Variants in CYYR1 observed in about 807,000 individuals in gnomAD.
The protein encoded by CYYR1 is cysteine and tyrosine rich 1, also known as cysteine and tyrosine-rich protein 1.
Under a neutral mutation model 15.2 loss-of-function variants are expected in CYYR1, and 14 were observed. That is an observed-to-expected ratio of 0.92 (90% CI 0.61 to 1.44). The LOEUF is 1.44. Ranked by LOEUF, CYYR1 falls within the 40% of genes most tolerant of loss-of-function variation. The pLI, the probability that CYYR1 is intolerant of heterozygous loss-of-function variation, is 0.00. For missense variants in CYYR1, 228 were observed against 209.5 expected, an observed-to-expected ratio of 1.09 and a Z score of -0.54; for synonymous variants, 80 against 77.4, an observed-to-expected ratio of 1.03 and a Z score of -0.18.
chr21:26,518,802 A>G (rs959175228), intron 2 of CYYR1, among the ~76,000 whole-genome samples: 9 of 152,182 alleles, frequency 5.9e-5, no homozygotes, highest in African/African-American at 2.2e-4. Context: ...CAGTTCTTTA[A>G]CAATTGACTA....
rs768346163 is a variant in CYYR1 at position 26,468,563 on chromosome 21, T to TG, written c.405dup (p.Thr136HisfsTer60). ...GAACGCTGTGCTGGACCCTGTGGGGTGGGGGAGTATGGAGGAGGCAAGTCT... is the reference window on the plus strand; with the variant it reads ...GAACGCTGTGCTGGACCCTGTGGGGTGGGGGGAGTATGGAGGAGGCAAGTCT... On this transcript the variant is annotated frameshift_variant, in exon 4 of 4. Transcript: ENST00000652641. LOFTEE classifies it high-confidence loss of function. 3.8e-5 allele frequency: 61 copies of TG among 1,612,424 alleles called. No individual in the cohort carries two copies. Among genetic ancestry groups the TG allele is most frequent in the Non-Finnish European group, 4.7e-5 (56 of 1,179,452 alleles).
chr21:26,521,244 A>T (rs1393516463), intron 2 of CYYR1, among the ~76,000 whole-genome samples: 1 of 152,244 alleles, frequency 6.6e-6, no homozygotes, highest in Non-Finnish European at 1.5e-5. Context: ...AGGGAGATGA[A>T]TTAAGAGGCA....
chr21:26,477,550 A>G (rs1003721661), intron 3 of CYYR1: 2 of 310,054 alleles, frequency 6.5e-6, no homozygotes. Context: ...CAAACCCAAG[A>G]AAACATGTGA....
chr21:26,573,156 C>T lies in CYYR1; in HGVS notation c.-216G>A. The T allele has an allele frequency of 8.1e-6, 12 of 1,486,908 alleles. No homozygotes were observed. Among genetic ancestry groups the T allele is most frequent in the Non-Finnish European group, 1.1e-5 (12 of 1,122,124 alleles). The allele number at this position is 1,486,908 out of a possible 1,614,324, so 92.1% of individuals were successfully genotyped here. On this transcript the variant is annotated 5_prime_UTR_variant, in exon 1 of 4. Coordinates refer to ENST00000652641, the MANE Select transcript of CYYR1 (RefSeq NM_001320768.2). ...CCGCGGAGCTGGGGCGCCCGTGGCC[C>T]GAGACGGGCTGCGCTGGGGGCCCAG...
chr21:26,567,746 T>C (rs1324284611), intron 1 of CYYR1, among the ~76,000 whole-genome samples: 2 of 152,130 alleles, frequency 1.3e-5, no homozygotes. Context: ...CAAAATATTA[T>C]ATTTATGTCT....
At chr21:26,521,818 C>A (rs1251112074) in intron 2 of CYYR1, among the ~76,000 whole-genome samples, 1 of 152,070 alleles carries the variant, frequency 6.6e-6, no homozygotes. Context: ...AAAATATTTG[C>A]TGATGTTTTA....
rs2065154896 is a variant in CYYR1 at position 26,480,134 on chromosome 21, T to G, written c.334+138A>C. ...TAAGCAATCTTGATTCAGCTAGAAC[T>G]TCAATCTACATGTACCTAGAAATAC... On this transcript the variant is annotated intron_variant, in intron 3 of 3. Coordinates refer to ENST00000652641, the MANE Select transcript of CYYR1 (RefSeq NM_001320768.2). 4.7e-6 allele frequency: 4 copies of G among 857,820 alleles called. No individual in the cohort carries two copies. In the Admixed American group the frequency reaches 8.7e-5, roughly 19 times the overall value. The allele number at this position is 857,820 out of a possible 1,614,324, so 53.1% of individuals were successfully genotyped here. A position where few individuals can be genotyped will look rare whatever the true frequency, so the allele number is the denominator to read the frequency against.
intron 2 of CYYR1, among the ~76,000 whole-genome samples, chr21:26,514,338 C>T (rs895745117): frequency 6.6e-6 from 1 of 152,076 alleles, no homozygotes; most frequent in Admixed American, 6.5e-5. Flanking sequence ...TGCCTTGGTA[C>T]TCGTGGTAAT....
At chr21:26,498,878 G>A (rs187138884) in intron 2 of CYYR1, among the ~76,000 whole-genome samples, 87 of 152,130 alleles carry the variant, frequency 5.7e-4, no homozygotes, top group Middle Eastern at 3.4e-3. Context: ...TCATTACCAC[G>A]AGAACGGCAT....
At chr21:26,565,872 C>T (rs570648331) in intron 2 of CYYR1, among the ~76,000 whole-genome samples, 2 of 152,228 alleles carry the variant, frequency 1.3e-5, no homozygotes, top group South Asian at 2.1e-4. Flanking sequence ...TAAATTAATA[C>T]ATGATGACAA....
intron 2 of CYYR1, among the ~76,000 whole-genome samples, chr21:26,543,328 C>G (rs1978709610): frequency 6.6e-6 from 1 of 151,948 alleles, no homozygotes; most frequent in Admixed American, 6.6e-5. Context: ...TACCCCAGAA[C>G]TTAAAATAAA....
intron 2 of CYYR1, chr21:26,518,418 A>C (rs2065761273): frequency 6.6e-6 from 1 of 152,260 alleles, no homozygotes; most frequent in South Asian, 2.1e-4. Context: ...TAGTTATTGC[A>C]GTGGTGAGCT....
intron 2 of CYYR1, among the ~76,000 whole-genome samples, chr21:26,543,199 G>C (rs776577054): frequency 1.7e-4 from 26 of 152,212 alleles, no homozygotes; most frequent in Non-Finnish European, 2.8e-4. Context: ...GTGGATGCGG[G>C]GAGGAAGAGC....
chr21:26,508,591 T>A (rs1466372065), intron 2 of CYYR1, among the ~76,000 whole-genome samples: 1 of 152,128 alleles, frequency 6.6e-6, no homozygotes, highest in Non-Finnish European at 1.5e-5. Context: ...GAAGAATGAT[T>A]TTACTTTTTG....
chr21:26,534,797 G>A (rs536134128), intron 2 of CYYR1, among the ~76,000 whole-genome samples: 28 of 152,192 alleles, frequency 1.8e-4, no homozygotes, highest in South Asian at 6.2e-4. Context: ...TATAAAAGAT[G>A]CATTTGTTAA....
At chr21:26,482,482 C>T (rs1213314047) in intron 2 of CYYR1, 1 of 985,114 alleles carries the variant, frequency 1.0e-6, no homozygotes, top group African/African-American at 1.7e-5. Flanking sequence ...GAACTGTTCC[C>T]CTTGAGCCCT....
chr21:26,491,505 T>C (rs2065328118), intron 2 of CYYR1, among the ~76,000 whole-genome samples: 1 of 152,158 alleles, frequency 6.6e-6, no homozygotes, highest in Admixed American at 6.6e-5. Flanking sequence ...TCCTTTCCAT[T>C]GACTCGAAGA....
chr21:26,468,325 G>T lies in CYYR1; in HGVS notation c.*176C>A. On this transcript the variant is annotated 3_prime_UTR_variant, in exon 4 of 4. Coordinates refer to ENST00000652641, the MANE Select transcript of CYYR1 (RefSeq NM_001320768.2). ...ACCAAACATTAATACTCCAGATGGG[G>T]TCAGCTTTGAGCAGAGTAGAAATCC... 1 of 647,024 alleles carries T rather than the reference G, an allele frequency of 1.5e-6. No individual in the cohort carries two copies. The highest frequency in any genetic ancestry group is 2.8e-6 in the Non-Finnish European group (1 of 356,110). The allele number at this position is 647,024 out of a possible 1,614,324, so 40.1% of individuals were successfully genotyped here.
At chr21:26,506,980 C>T (rs1348379250) in intron 2 of CYYR1, among the ~76,000 whole-genome samples, 1 of 152,112 alleles carries the variant, frequency 6.6e-6, no homozygotes, top group Non-Finnish European at 1.5e-5. Flanking sequence ...TGTATTTTTC[C>T]ACTCACTGCA....
Sources: allele counts gnomAD v4.1 joint callset (sites outside exome capture counted in the v4.1 genomes callset), GRCh38; gene constraint gnomAD v4.1.1; transcripts MANE v1.5; gene names NCBI Gene and HGNC (gene_info 2026-07-23, HGNC 2026-07-21).